RGS7: variants seen among roughly 807,000 people sequenced by gnomAD.
The protein encoded by RGS7 is regulator of G protein signaling 7.
In RGS7, 27 loss-of-function variants were observed where a neutral mutation model predicts 81.1. That is an observed-to-expected ratio of 0.33 (90% confidence interval 0.25 to 0.46). The LOEUF is 0.46. Ranked by LOEUF, RGS7 falls within the 20% of genes least tolerant of loss-of-function variation. The pLI, the probability that RGS7 is intolerant of heterozygous loss-of-function variation, is 1.00. For synonymous variants in RGS7, 208 were observed against 207.7 expected (o/e 1.00, Z -0.01); for missense variants, 396 against 607.4 (o/e 0.65, Z 3.66).
At chr1:241,172,503 T>A (rs528519355) in intron 2 of RGS7, among the ~76,000 whole-genome samples, 14 of 152,270 alleles carry the variant, frequency 9.2e-5, no homozygotes, top group African/African-American at 3.4e-4. Flanking sequence ...ACCTTTTTTT[T>A]AAACTCACAG....
chr1:240,843,470 T>A (rs1478417162), intron 9 of RGS7, among the ~76,000 whole-genome samples: 1 of 152,164 alleles, frequency 6.6e-6, no homozygotes, highest in African/African-American at 2.4e-5. Context: ...TTTGCTATGT[T>A]GCCCAGGCTG....
At position 241,146,171 on chromosome 1, in the gene RGS7, C is replaced by A. The variant is rs796764440; in HGVS notation, c.79-47409G>T. On this transcript the variant is annotated intron_variant, in intron 2 of 18. Transcript: ENST00000440928. ...CCATGCATCCACGGATTCAACTAACCAAGGACCAAAATATCCCAAAAATAA... is the reference window on the plus strand; with the variant it reads ...CCATGCATCCACGGATTCAACTAACAAAGGACCAAAATATCCCAAAAATAA... 3.7e-4 allele frequency among the ~76,000 whole-genome samples: 56 copies of A among 152,014 alleles called. 1 individual carries two copies. The highest frequency in any genetic ancestry group is 1.4e-3 in the African/African-American group (56 of 41,456).
At chr1:241,127,337 T>C (rs958272173) in intron 2 of RGS7, among the ~76,000 whole-genome samples, 1 of 152,194 alleles carries the variant, frequency 6.6e-6, no homozygotes, top group East Asian at 1.9e-4. Context: ...ATTTTAAGGA[T>C]TGAAGTCATA....
intron 9 of RGS7, among the ~76,000 whole-genome samples, chr1:240,866,304 G>A (rs904382384): frequency 6.6e-6 from 1 of 152,102 alleles, no homozygotes; most frequent in African/African-American, 2.4e-5. Context: ...GAGGTCAGGA[G>A]ATCGAGATCA....
intron 6 of RGS7, among the ~76,000 whole-genome samples, chr1:240,913,040 C>CA (rs1672022780): frequency 1.3e-5 from 2 of 152,190 alleles, no homozygotes; most frequent in African/African-American, 4.8e-5. Context: ...TTCGGAGACA[C>CA]AACCAGCAAA....
intron 3 of RGS7, among the ~76,000 whole-genome samples, chr1:241,015,889 A>T (rs975546656): frequency 6.6e-6 from 1 of 152,216 alleles, no homozygotes; most frequent in African/African-American, 2.4e-5. Flanking sequence ...TAGTTGCCTA[A>T]ATTGAATATT....
intron 2 of RGS7, among the ~76,000 whole-genome samples, chr1:241,305,013 A>G (rs2080002579): frequency 1.3e-5 from 2 of 152,218 alleles, no homozygotes; most frequent in South Asian, 2.1e-4. Context: ...AAGAAACTTC[A>G]GCTACTATAT....
At chr1:241,217,146 T>C (rs971505323) in intron 2 of RGS7, among the ~76,000 whole-genome samples, 3 of 152,092 alleles carry the variant, frequency 2.0e-5, no homozygotes, top group African/African-American at 4.8e-5. Flanking sequence ...CCTGATCCAA[T>C]AGGATTGGTG....
intron 2 of RGS7, among the ~76,000 whole-genome samples, chr1:241,169,380 G>T (rs1572971577): frequency 9.3e-6 from 1 of 107,348 alleles, no homozygotes; most frequent in South Asian, 3.2e-4. Context: ...GTCTCACTCT[G>T]TCTCCCAGGC....
At chr1:241,237,058 G>C (rs2076019444) in intron 2 of RGS7, among the ~76,000 whole-genome samples, 1 of 152,206 alleles carries the variant, frequency 6.6e-6, no homozygotes, top group Admixed American at 6.5e-5. Context: ...ACAGACAAAT[G>C]CTGAGTCAAA....
chr1:240,804,167 A>C (rs530287423), intron 15 of RGS7, among the ~76,000 whole-genome samples: 1 of 152,276 alleles, frequency 6.6e-6, no homozygotes, highest in East Asian at 1.9e-4. Context: ...TCTGATCCTT[A>C]ATTTTCTCAT....
chr1:241,294,051 C>G (rs1041194671), intron 2 of RGS7, among the ~76,000 whole-genome samples: 1 of 152,118 alleles, frequency 6.6e-6, no homozygotes, highest in Non-Finnish European at 1.5e-5. Flanking sequence ...AAATCCCCAT[C>G]GGTGATAGAC....
chr1:241,207,537 A>C (rs1344293602), intron 2 of RGS7, among the ~76,000 whole-genome samples: 1 of 151,988 alleles, frequency 6.6e-6, no homozygotes, highest in African/African-American at 2.4e-5. Flanking sequence ...GCTCAGGGAG[A>C]CAGAGAACTA....
At chr1:240,875,756 T>G (rs547993303) in intron 6 of RGS7, among the ~76,000 whole-genome samples, 1 of 152,366 alleles carries the variant, frequency 6.6e-6, no homozygotes, top group Non-Finnish European at 1.5e-5. Flanking sequence ...TATCTCACTG[T>G]GGTTCTGATT....
chr1:241,084,578 T>C lies in RGS7; in HGVS notation c.175+14088A>G, dbSNP rs182172409. On this transcript the variant is annotated intron_variant, in intron 3 of 18. Transcript: ENST00000440928. ...TTCTTATGAACCTTAAGACTTAAGG[T>C]CAGTCACACTCATATGACATTTGGA... 1.1e-3 allele frequency among the ~76,000 whole-genome samples: 163 copies of C among 152,256 alleles called. 2 individuals carry two copies. The highest frequency in any genetic ancestry group is 8.8e-5 in the Non-Finnish European group (6 of 68,026).
At chr1:240,830,073 A>C (rs1248193359) in intron 9 of RGS7, among the ~76,000 whole-genome samples, 1 of 152,212 alleles carries the variant, frequency 6.6e-6, no homozygotes, top group Non-Finnish European at 1.5e-5. Flanking sequence ...CCTGTGAAGT[A>C]GTCAGTCCCA....
At chr1:240,885,663 A>G (rs1431405776) in intron 6 of RGS7, among the ~76,000 whole-genome samples, 1 of 152,176 alleles carries the variant, frequency 6.6e-6, no homozygotes, top group Non-Finnish European at 1.5e-5. Context: ...ACCAAATGCC[A>G]CATGTTCTCA....
chr1:240,913,724 A>G (rs114474747), intron 6 of RGS7, among the ~76,000 whole-genome samples: 3,874 of 152,186 alleles, frequency 0.025, 86 homozygotes, highest in African/African-American at 0.059. Context: ...GAATCAGTGG[A>G]TATTTTTAAT....
At chr1:241,268,978 A>T (rs1434840623) in intron 2 of RGS7, among the ~76,000 whole-genome samples, 1 of 152,224 alleles carries the variant, frequency 6.6e-6, no homozygotes, top group African/African-American at 2.4e-5. Flanking sequence ...AGAAACCTGT[A>T]CTGTTACTTT....
Sources: allele counts gnomAD v4.1 joint callset (sites outside exome capture counted in the v4.1 genomes callset), GRCh38; gene constraint gnomAD v4.1.1; transcripts MANE v1.5; gene names NCBI Gene and HGNC (gene_info 2026-07-23, HGNC 2026-07-21).